Variants in RNF220 observed in about 807,000 individuals in gnomAD.
RNF220 encodes the protein E3 ubiquitin-protein ligase RNF220.
In RNF220, 7 loss-of-function variants were observed where a neutral mutation model predicts 67.1. That is an observed-to-expected ratio of 0.10 (90% CI 0.06 to 0.20). RNF220 has a LOEUF of 0.20. Among genes scored for constraint, RNF220 ranks in the 10% least tolerant of loss-of-function variants. The probability of loss-of-function intolerance (pLI) is 1.00; values close to 1 mark genes in which losing one functional copy is unlikely to be tolerated. For synonymous variants in RNF220, 270 were observed against 283.2 expected, an observed-to-expected ratio of 0.95 and a Z score of 0.47; for missense variants, 565 against 740.3, an observed-to-expected ratio of 0.76 and a Z score of 2.75.
chr1:44,527,592 AT>A lies in RNF220; in HGVS notation c.626-86563del, dbSNP rs1008239829. ...AGAAAACATAACGAGACCCTGTCTT[AT>A]TTTTTTTTTAAGTAATGCATTAAAT... On this transcript the variant is annotated intron_variant, in intron 2 of 14. Transcript: ENST00000361799. 1.9e-3 allele frequency among the ~76,000 whole-genome samples: 285 copies of A among 149,322 alleles called. 1 individual carries two copies. Among genetic ancestry groups the A allele is most frequent in the African/African-American group, 5.5e-3 (225 of 40,804 alleles).
At chr1:44,440,225 G>C (rs1321069873) in intron 2 of RNF220, among the ~76,000 whole-genome samples, 1 of 152,212 alleles carries the variant, frequency 6.6e-6, no homozygotes, top group Admixed American at 6.5e-5. Flanking sequence ...ACCCACATGT[G>C]ACTAGTGGCT....
At chr1:44,592,863 A>G (rs1666214948) in intron 2 of RNF220, among the ~76,000 whole-genome samples, 1 of 152,006 alleles carries the variant, frequency 6.6e-6, no homozygotes, top group African/African-American at 2.4e-5. Flanking sequence ...CCTGTTCCCT[A>G]TGACAGCCCA....
intron 3 of RNF220, among the ~76,000 whole-genome samples, chr1:44,616,260 G>A (rs1643541035): frequency 6.6e-6 from 1 of 152,130 alleles, no homozygotes; most frequent in African/African-American, 2.4e-5. Context: ...ATTCTCAAGG[G>A]AGAAGAATTA....
At chr1:44,433,387 C>T (rs550594463) in intron 2 of RNF220, among the ~76,000 whole-genome samples, 2 of 152,310 alleles carry the variant, frequency 1.3e-5, no homozygotes, top group South Asian at 2.1e-4. Context: ...TGAGCTTCCA[C>T]AGGAAACAGT....
chr1:44,559,980 CAGGAGGAGCCACGGCT>C (rs1663435317), intron 2 of RNF220, among the ~76,000 whole-genome samples: 1 of 152,206 alleles, frequency 6.6e-6, no homozygotes, highest in Admixed American at 6.5e-5. Flanking sequence ...CCCCTCAGCC[CAGGAGGAGCCACGGCT>C]CCTTCAGCAC....
intron 2 of RNF220, among the ~76,000 whole-genome samples, chr1:44,473,054 A>C (rs1332345905): frequency 2.6e-5 from 4 of 152,074 alleles, no homozygotes; most frequent in African/African-American, 9.7e-5. Context: ...GTGTTTCCCC[A>C]CGTCCTCTGC....
Position 44,406,673 on chromosome 1 carries a change from G to C in RNF220, c.-118+1143G>C, listed in dbSNP as rs1011319276. Among the ~76,000 whole-genome samples, 4 of 152,226 alleles carry C rather than the reference G, an allele frequency of 2.6e-5. No homozygotes were observed. In the South Asian group the frequency reaches 6.2e-4, roughly 24 times the overall value. On this transcript the variant is annotated intron_variant, in intron 1 of 14. Transcript: ENST00000361799. ...CCCGCCACCGCACTCCGGAGCCTCC[G>C]GCCTCCCCCACCCCACCCCCGCCCC...
chr1:44,436,228 C>T (rs900192829), intron 2 of RNF220, among the ~76,000 whole-genome samples: 1 of 151,942 alleles, frequency 6.6e-6, no homozygotes, highest in African/African-American at 2.4e-5. Flanking sequence ...ATCATTTGAC[C>T]CTCACCTAAA....
intron 2 of RNF220, among the ~76,000 whole-genome samples, chr1:44,563,746 C>T (rs1663771938): frequency 6.6e-6 from 1 of 152,186 alleles, no homozygotes; most frequent in South Asian, 2.1e-4. Context: ...TTGTACTCCT[C>T]GAATGAGATG....
intron 3 of RNF220, among the ~76,000 whole-genome samples, chr1:44,620,386 A>G: frequency 6.6e-6 from 1 of 152,012 alleles, no homozygotes; most frequent in South Asian, 2.1e-4. Context: ...TGGAGATAAT[A>G]CTCTTATCCT....
At chr1:44,552,024 A>G (rs529361139) in intron 2 of RNF220, among the ~76,000 whole-genome samples, 53 of 152,336 alleles carry the variant, frequency 3.5e-4, no homozygotes, top group Non-Finnish European at 7.2e-4. Flanking sequence ...TTGCCCCTCT[A>G]GTGCCTGGTA....
In RNF220 at chr1:44,567,959, A is replaced by G. The variant is rs270759; in HGVS notation, c.626-46206A>G. On this transcript the variant is annotated intron_variant, in intron 2 of 14. Coordinates refer to ENST00000361799, the MANE Select transcript of RNF220 (RefSeq NM_018150.4). ...TTGACCCTCAGGCTCCTCAGACTCA[A>G]CTTGTCCAAAGCTGAACTATGTGAT... is the stretch of plus-strand genomic sequence containing the variant. Among the ~76,000 whole-genome samples the G allele has an allele frequency of 3.7e-3, 563 of 152,220 alleles. 2 individuals are homozygous for G. Among genetic ancestry groups the G allele is most frequent in the African/African-American group, 0.013 (538 of 41,540 alleles).
At chr1:44,632,277 C>G (rs1644167241) in intron 5 of RNF220, 66 bp from the exon 6 acceptor site, 2 of 1,613,844 alleles carry the variant, frequency 1.2e-6, no homozygotes, top group Non-Finnish European at 1.7e-6. Flanking sequence ...GGGCGGGGGC[C>G]AGGACTGCAG....
intron 2 of RNF220, among the ~76,000 whole-genome samples, chr1:44,517,425 C>G (rs1659541241): frequency 6.6e-6 from 1 of 152,160 alleles, no homozygotes; most frequent in Non-Finnish European, 1.5e-5. Context: ...TCAGAGAACT[C>G]GTCCCAGTCT....
chr1:44,627,101 C>T (rs1395789275), intron 5 of RNF220: 2 of 142,368 alleles, frequency 1.4e-5, no homozygotes, highest in Admixed American at 7.2e-5. Flanking sequence ...AATCCCAGCA[C>T]TTTGAGAGGC....
intron 2 of RNF220, among the ~76,000 whole-genome samples, chr1:44,442,729 T>A (rs1651696030): frequency 6.6e-6 from 1 of 151,960 alleles, no homozygotes; most frequent in African/African-American, 2.4e-5. Context: ...GTTGCCCAGG[T>A]TGGTCTTGAA....
intron 2 of RNF220, among the ~76,000 whole-genome samples, chr1:44,530,026 C>T (rs139094238): frequency 0.029 from 4,347 of 151,134 alleles, 212 homozygotes; most frequent in African/African-American, 0.1. Context: ...TGCACTCCAG[C>T]CTGGGTGACA....
intron 2 of RNF220, among the ~76,000 whole-genome samples, chr1:44,418,728 G>A (rs1486434797): frequency 6.6e-6 from 1 of 151,920 alleles, no homozygotes; most frequent in Admixed American, 6.6e-5. Context: ...CAGGGAAGAG[G>A]AAACTGAAAA....
chr1:44,407,855 G>T (rs578097534), intron 1 of RNF220, among the ~76,000 whole-genome samples: 86 of 152,262 alleles, frequency 5.6e-4, no homozygotes, highest in African/African-American at 2.0e-3. Flanking sequence ...CCCCGGGGCG[G>T]GGCTGCTCGG....
Sources: gnomAD v4.1 joint callset for allele counts (sites outside exome capture counted in the v4.1 genomes callset) on GRCh38, gnomAD v4.1.1 for gene constraint, MANE v1.5 for transcripts, NCBI Gene and HGNC (gene_info 2026-07-23, HGNC 2026-07-21) for gene names.